Variants in CCDC60 observed in about 807,000 individuals in gnomAD.
The protein encoded by CCDC60 is coiled-coil domain-containing protein 60.
In CCDC60, 54 loss-of-function variants were observed where a neutral mutation model predicts 63.5. The ratio of observed to expected loss-of-function variants is 0.85; its 90% CI spans 0.68 to 1.07. The LOEUF is 1.07. Among genes scored for constraint, CCDC60 ranks in the 50% least tolerant of loss-of-function variants. CCDC60 has a pLI of 0.00. For missense variants in CCDC60, 651 were observed against 684.3 expected, an observed-to-expected ratio of 0.95 and a Z score of 0.54; for synonymous variants, 206 against 238.8, an observed-to-expected ratio of 0.86 and a Z score of 1.27.
Position 119,445,433 on chromosome 12 carries a change from CAAAAAAAAAA to C in CCDC60, c.170+16685_170+16694del, listed in dbSNP as rs58415660. Among the ~76,000 whole-genome samples the C allele has an allele frequency of 1.3e-3, 34 of 27,200 alleles. 1 individual carries two copies. Among genetic ancestry groups the C allele is most frequent in the African/African-American group, 5.2e-3 (33 of 6,362 alleles). 17.8% of individuals were successfully genotyped at this position (27,200 alleles called of 152,430 possible). A position where few individuals can be genotyped will look rare whatever the true frequency, so the allele number is the denominator to read the frequency against. ...TGAGTGACAGAGCGAGACTCCATCT[CAAAAAAAAAA>C]AAAAAAAAAAAAAGGAATGCTCTGA... On this transcript the variant is annotated intron_variant, in intron 2 of 13. Transcript: ENST00000327554.
At chr12:119,361,003 G>T (rs1334599838) in intron 1 of CCDC60, among the ~76,000 whole-genome samples, 2 of 151,972 alleles carry the variant, frequency 1.3e-5, no homozygotes, top group Admixed American at 1.3e-4. Context: ...AGGCGTGGCG[G>T]CGTGCGCCTG....
At chr12:119,528,493 G>C (rs572900275) in intron 11 of CCDC60, 122 bp from the exon 12 acceptor site, 1 of 1,133,892 alleles carries the variant, frequency 8.8e-7, no homozygotes, top group Admixed American at 2.3e-5. Context: ...AAGATTAGCT[G>C]ACAGGGTTAA....
chr12:119,509,995 T>G (rs1952169610), intron 7 of CCDC60, among the ~76,000 whole-genome samples: 1 of 152,210 alleles, frequency 6.6e-6, no homozygotes, highest in Non-Finnish European at 1.5e-5. Flanking sequence ...GTCACTCATT[T>G]TTGGTACCTG....
At chr12:119,463,632 G>A (rs1473482457) in intron 2 of CCDC60, among the ~76,000 whole-genome samples, 2 of 152,234 alleles carry the variant, frequency 1.3e-5, no homozygotes, top group Admixed American at 6.5e-5. Context: ...AAGGTCTACC[G>A]CAGACGCGAA....
chr12:119,434,828 G>A (rs534917105), intron 2 of CCDC60, among the ~76,000 whole-genome samples: 69 of 89,944 alleles, frequency 7.7e-4, no homozygotes, highest in Admixed American at 4.1e-3. Context: ...TGAAGAGTTG[G>A]GTAAGAGCTG....
intron 1 of CCDC60, among the ~76,000 whole-genome samples, chr12:119,368,868 T>C (rs1338526691): frequency 6.6e-6 from 1 of 152,234 alleles, no homozygotes; most frequent in East Asian, 1.9e-4. Context: ...TTGGTGCTAA[T>C]TATTTCTCTT....
rs141099915 is a variant in CCDC60 at position 119,500,161 on chromosome 12, C to T, written c.641C>T (p.Ala214Val). ...MGQKWEHFITAPKTKKFKIPT... is the reference protein window; with the variant it reads ...MGQKWEHFITVPKTKKFKIPT... ...CAGAAATGGGAGCATTTCATCACAG[C>T]GCCAAAGGTAACCAACAACACGCGA... The change falls in exon 6 of 14, where the codon GCG (alanine) becomes GTG (valine). Residue 214 changes from alanine (A) to valine (V), a missense_variant. Coordinates refer to ENST00000327554, the MANE Select transcript of CCDC60 (RefSeq NM_178499.5). 1.3e-5 allele frequency: 21 copies of T among 1,607,448 alleles called. No individual in the cohort carries two copies. The highest frequency in any genetic ancestry group is 1.7e-4 in the Middle Eastern group (1 of 6,032).
chr12:119,481,288 A>T (rs574505155), intron 4 of CCDC60, among the ~76,000 whole-genome samples: 2 of 152,270 alleles, frequency 1.3e-5, no homozygotes, highest in African/African-American at 4.8e-5. Context: ...GCAATTTCTC[A>T]TGATGTCTCT....
chr12:119,352,475 C>T (rs1222905410), intron 1 of CCDC60, among the ~76,000 whole-genome samples: 1 of 152,132 alleles, frequency 6.6e-6, no homozygotes, highest in Non-Finnish European at 1.5e-5. Context: ...AACAAAGGCT[C>T]AGAATTTAAA....
intron 5 of CCDC60, among the ~76,000 whole-genome samples, chr12:119,493,197 C>A (rs1951630207): frequency 6.6e-6 from 1 of 152,150 alleles, no homozygotes; most frequent in African/African-American, 2.4e-5. Context: ...CCCTGACACC[C>A]ACCGTGCATT....
In CCDC60 at chr12:119,383,028, G is replaced by C. The variant is rs1956024280; in HGVS notation, c.91-45655G>C. 2.0e-5 allele frequency among the ~76,000 whole-genome samples: 3 copies of C among 152,072 alleles called. No individual in the cohort carries two copies. The South Asian group carries it at 6.2e-4, about 32-fold the overall frequency. ...AGCTGGTCTTGCAGGCATAACCCTG[G>C]GTGGCCACTGCACTGGAAATTAAAT... On this transcript the variant is annotated intron_variant, in intron 1 of 13. Coordinates refer to ENST00000327554, the MANE Select transcript of CCDC60 (RefSeq NM_178499.5).
At position 119,500,184 on chromosome 12, in the gene CCDC60, C is replaced by T. The variant is rs756954214; in HGVS notation, c.648+16C>T. The T allele has an allele frequency of 1.4e-5, 22 of 1,527,926 alleles. No individual in the cohort carries two copies. The East Asian group carries it at 1.6e-4, about 11-fold the overall frequency. The allele number at this position is 1,527,926 out of a possible 1,614,324, so 94.6% of individuals were successfully genotyped here. A position where few individuals can be genotyped will look rare whatever the true frequency, so the allele number is the denominator to read the frequency against. The stretch of plus-strand genomic sequence containing the variant: ...AGCGCCAAAGGTAACCAACAACACG[C>T]GACTCAACCCTTTGGCTCCTAGGTC... On this transcript the variant is annotated intron_variant, in intron 6 of 13. Transcript: ENST00000327554.
intron 7 of CCDC60, among the ~76,000 whole-genome samples, chr12:119,514,527 T>A (rs985908442): frequency 6.6e-6 from 1 of 152,152 alleles, no homozygotes; most frequent in Non-Finnish European, 1.5e-5. Flanking sequence ...TAAAAAATTT[T>A]AAAAAATAGA....
chr12:119,381,071 T>G (rs1956003591), intron 1 of CCDC60, among the ~76,000 whole-genome samples: 2 of 152,202 alleles, frequency 1.3e-5, no homozygotes, highest in Non-Finnish European at 2.9e-5. Context: ...AGGCAGACTT[T>G]GCCTGAATAT....
At chr12:119,520,542 CTTT>C (rs11460611) in intron 9 of CCDC60, among the ~76,000 whole-genome samples, 6 of 126,840 alleles carry the variant, frequency 4.7e-5, no homozygotes, top group Admixed American at 8.3e-5. Context: ...AGAGAATATT[CTTT>C]TTTTTTTTTT....
chr12:119,445,600 G>A (rs373334130), intron 2 of CCDC60, among the ~76,000 whole-genome samples: 1 of 152,032 alleles, frequency 6.6e-6, no homozygotes, highest in African/African-American at 2.4e-5. Flanking sequence ...CAGAGTTTGG[G>A]GGTCAGGAAA....
At chr12:119,392,407 T>C (rs1956175546) in intron 1 of CCDC60, among the ~76,000 whole-genome samples, 1 of 152,178 alleles carries the variant, frequency 6.6e-6, no homozygotes, top group Non-Finnish European at 1.5e-5. Flanking sequence ...GGCCAATAAG[T>C]TTCTTCCTGA....
chr12:119,432,831 G>A (rs1408391281), intron 2 of CCDC60, among the ~76,000 whole-genome samples: 1 of 152,144 alleles, frequency 6.6e-6, no homozygotes, highest in Non-Finnish European at 1.5e-5. Flanking sequence ...GCTATTATTA[G>A]AAATTAATTA....
chr12:119,464,701 AACTG>A (rs1184510546), intron 2 of CCDC60, among the ~76,000 whole-genome samples: 6 of 152,294 alleles, frequency 3.9e-5, no homozygotes, highest in African/African-American at 1.4e-4. Flanking sequence ...AGACTGATGA[AACTG>A]ACTGACAGTA....
Sources: gnomAD v4.1 joint callset for allele counts (sites outside exome capture counted in the v4.1 genomes callset) on GRCh38, gnomAD v4.1.1 for gene constraint, MANE v1.5 for transcripts, NCBI Gene and HGNC (gene_info 2026-07-23, HGNC 2026-07-21) for gene names.